Variants in ZNF423 observed in about 807,000 individuals in gnomAD.
The protein encoded by ZNF423 is Ebf-associated zinc finger protein.
In ZNF423, 12 loss-of-function variants were observed where a neutral mutation model predicts 95.8. The ratio of observed to expected loss-of-function variants is 0.13; its 90% CI spans 0.08 to 0.20. ZNF423 has a LOEUF of 0.20. ZNF423 is among the 10% of genes least tolerant of loss of function. The probability of loss-of-function intolerance (pLI) is 1.00; values close to 1 mark genes in which losing one functional copy is unlikely to be tolerated. For synonymous variants in ZNF423, 749 were observed against 711.9 expected (o/e 1.05, Z -0.83); for missense variants, 1,316 against 1,737.1 (o/e 0.76, Z 4.31).
At chr16:49,558,945 A>G (rs921081307) in intron 5 of ZNF423, among the ~76,000 whole-genome samples, 1 of 152,142 alleles carries the variant, frequency 6.6e-6, no homozygotes, top group African/African-American at 2.4e-5. Flanking sequence ...ACCACTCAGT[A>G]AGGGGGTCTC....
intron 2 of ZNF423, among the ~76,000 whole-genome samples, chr16:49,759,600 C>T (rs1444210902): frequency 2.0e-5 from 3 of 152,210 alleles, no homozygotes; most frequent in African/African-American, 7.2e-5. Flanking sequence ...GCCAGGAGTG[C>T]GCTTTGCAGG....
intron 3 of ZNF423, among the ~76,000 whole-genome samples, chr16:49,703,952 G>A (rs2032272631): frequency 6.6e-6 from 1 of 152,212 alleles, no homozygotes; most frequent in Non-Finnish European, 1.5e-5. Context: ...ACTGATGAGT[G>A]ATGCGCCCAG....
intron 3 of ZNF423, among the ~76,000 whole-genome samples, chr16:49,698,188 T>C (rs1277678324): frequency 6.6e-6 from 1 of 152,238 alleles, no homozygotes; most frequent in Non-Finnish European, 1.5e-5. Flanking sequence ...TCTGACTTGT[T>C]TGTTTGTAAC....
At position 49,605,469 on chromosome 16, in the gene ZNF423, G is replaced by A. The variant is rs548372077; in HGVS notation, c.3601+20701C>T. ...CCAGCTTTTTCTTGGCTTCAACAGA[G>A]CAGCAAGCCCCTTCTAGACACTGCT... On this transcript the variant is annotated intron_variant, in intron 5 of 7. Coordinates refer to ENST00000563137, the MANE Select transcript of ZNF423 (RefSeq NM_001379286.1). Among the ~76,000 whole-genome samples the A allele has an allele frequency of 3.9e-5, 6 of 152,276 alleles. No individual in the cohort carries two copies. The East Asian group carries it at 5.8e-4, about 15-fold the overall frequency.
intron 1 of ZNF423, among the ~76,000 whole-genome samples, chr16:49,831,251 GTTCTACAGTGAAA>G (rs2035057914): frequency 1.3e-5 from 2 of 152,252 alleles, no homozygotes; most frequent in African/African-American, 4.8e-5. Context: ...CTGAGTCCAT[GTTCTACAGTGAAA>G]TCTTTCTTTA....
intron 3 of ZNF423, among the ~76,000 whole-genome samples, chr16:49,680,190 C>T (rs954675068): frequency 6.6e-5 from 10 of 152,316 alleles, no homozygotes; most frequent in African/African-American, 1.4e-4. Flanking sequence ...GAGAGCTGGA[C>T]CTGCCTGCAG....
At chr16:49,594,314 A>C (rs1409192310) in intron 5 of ZNF423, among the ~76,000 whole-genome samples, 1 of 152,116 alleles carries the variant, frequency 6.6e-6, no homozygotes, top group African/African-American at 2.4e-5. Flanking sequence ...CTTCCATCAG[A>C]AAGTTTGGTG....
At chr16:49,553,789 C>T (rs763155189) in intron 5 of ZNF423, among the ~76,000 whole-genome samples, 3 of 152,260 alleles carry the variant, frequency 2.0e-5, no homozygotes, top group African/African-American at 4.8e-5. Flanking sequence ...TATGAAATAA[C>T]GTCTTTCCCT....
chr16:49,765,328 C>T (rs2033910567), intron 2 of ZNF423, among the ~76,000 whole-genome samples: 1 of 152,098 alleles, frequency 6.6e-6, no homozygotes, highest in African/African-American at 2.4e-5. Flanking sequence ...GGTAGCTGCA[C>T]TGAAAGGTGA....
chr16:49,681,665 G>GC (rs1361072992), intron 3 of ZNF423, among the ~76,000 whole-genome samples: 2 of 152,236 alleles, frequency 1.3e-5, no homozygotes, highest in Non-Finnish European at 2.9e-5. Flanking sequence ...CCACAGGCGT[G>GC]CCCACCCCCA....
At chr16:49,576,969 C>G (rs1331892207) in intron 5 of ZNF423, among the ~76,000 whole-genome samples, 1 of 152,148 alleles carries the variant, frequency 6.6e-6, no homozygotes, top group Non-Finnish European at 1.5e-5. Flanking sequence ...AAACAGAGGG[C>G]ACAGATGAGA....
At position 49,558,262 on chromosome 16, in the gene ZNF423, G is replaced by A. The variant is rs557333152; in HGVS notation, c.3602-32768C>T. On this transcript the variant is annotated intron_variant, in intron 5 of 7. Coordinates refer to ENST00000563137, the MANE Select transcript of ZNF423 (RefSeq NM_001379286.1). The stretch of plus-strand genomic sequence containing the variant: ...ATTTGATTGTCACAATCTCTGCACA[G>A]GGCTAAGGAGTGACTTAAATGAGTT... 2.6e-5 allele frequency among the ~76,000 whole-genome samples: 4 copies of A among 152,344 alleles called. No individual in the cohort carries two copies. The South Asian group carries it at 8.3e-4, about 32-fold the overall frequency.
At chr16:49,791,314 C>CA (rs1303839588) in intron 1 of ZNF423, among the ~76,000 whole-genome samples, 54 of 152,160 alleles carry the variant, frequency 3.5e-4, no homozygotes, top group Admixed American at 3.5e-3. Context: ...TCGTGTCAGA[C>CA]AAAATTGATA....
intron 3 of ZNF423, among the ~76,000 whole-genome samples, chr16:49,699,189 G>A (rs1192528573): frequency 3.3e-5 from 5 of 152,184 alleles, no homozygotes; most frequent in African/African-American, 1.2e-4. Flanking sequence ...TGGGCGAGGC[G>A]GCACTGACGT....
intron 2 of ZNF423, among the ~76,000 whole-genome samples, chr16:49,735,043 G>A (rs529276288): frequency 1.3e-4 from 20 of 152,166 alleles, no homozygotes; most frequent in Admixed American, 6.5e-4. Flanking sequence ...ACAGTAAGAC[G>A]CAATGAACAC....
chr16:49,831,149 C>T (rs2035056674), intron 1 of ZNF423, among the ~76,000 whole-genome samples: 2 of 152,102 alleles, frequency 1.3e-5, no homozygotes, highest in Admixed American at 1.3e-4. Context: ...CAAAGTACAG[C>T]TCATGAAGAC....
intron 5 of ZNF423, among the ~76,000 whole-genome samples, chr16:49,610,825 G>T (rs1405456975): frequency 6.6e-6 from 1 of 151,706 alleles, no homozygotes; most frequent in African/African-American, 2.4e-5. Context: ...AATGTAAAAG[G>T]ATATATCTTG....
chr16:49,622,518 C>G (rs978773529), intron 5 of ZNF423, among the ~76,000 whole-genome samples: 5 of 152,190 alleles, frequency 3.3e-5, no homozygotes, highest in African/African-American at 9.6e-5. Flanking sequence ...GATGTTCAGC[C>G]ATCTCTCCGA....
intron 3 of ZNF423, among the ~76,000 whole-genome samples, chr16:49,680,278 G>C (rs947931974): frequency 6.6e-6 from 1 of 152,244 alleles, no homozygotes; most frequent in African/African-American, 2.4e-5. Flanking sequence ...GGGAAGGAGT[G>C]GCCCACTTGA....
Sources: gnomAD v4.1 joint callset for allele counts (sites outside exome capture counted in the v4.1 genomes callset) on GRCh38, gnomAD v4.1.1 for gene constraint, MANE v1.5 for transcripts, NCBI Gene and HGNC (gene_info 2026-07-23, HGNC 2026-07-21) for gene names.